The following TRAPPC3L variants were observed in gnomAD, a reference collection of about 807,000 sequenced individuals.
The protein encoded by TRAPPC3L is trafficking protein particle complex subunit 3L.
A neutral mutation model predicts 23.7 loss-of-function variants in TRAPPC3L; 23 were observed. The ratio of observed to expected loss-of-function variants is 0.97; its 90% CI spans 0.70 to 1.37. The LOEUF (loss-of-function observed/expected upper bound fraction) is 1.37. TRAPPC3L is among the 40% of genes most tolerant of loss of function. The probability of loss-of-function intolerance (pLI) is 0.00; values close to 1 mark genes in which losing one functional copy is unlikely to be tolerated. For synonymous variants in TRAPPC3L, 81 were observed against 77.9 expected, an observed-to-expected ratio of 1.04 and a Z score of -0.21; for missense variants, 212 against 216.8, an observed-to-expected ratio of 0.98 and a Z score of 0.14.
intron 3 of TRAPPC3L, chr6:116,521,203 T>A (rs1772332945): frequency 6.6e-6 from 1 of 152,034 alleles, no homozygotes; most frequent in Non-Finnish European, 1.5e-5. Flanking sequence ...ACAAAATATA[T>A]GTGCTATATA....
At chr6:116,532,367 G>C (rs1409037013) in intron 3 of TRAPPC3L, among the ~76,000 whole-genome samples, 1 of 152,194 alleles carries the variant, frequency 6.6e-6, no homozygotes, top group Non-Finnish European at 1.5e-5. Flanking sequence ...CTCCCTGAGA[G>C]AGGGAATTAC....
At chr6:116,526,573 G>A (rs1191013206) in intron 3 of TRAPPC3L, among the ~76,000 whole-genome samples, 1 of 152,268 alleles carries the variant, frequency 6.6e-6, no homozygotes, top group Middle Eastern at 3.4e-3. Flanking sequence ...GTGAGTCTAT[G>A]CAGGAGCTAG....
intron 3 of TRAPPC3L, among the ~76,000 whole-genome samples, chr6:116,528,599 G>A (rs1772522295): frequency 3.3e-5 from 5 of 152,016 alleles, no homozygotes; most frequent in Admixed American, 3.3e-4. Context: ...TTTAAATATT[G>A]AGAATTTTAT....
rs1773735536 is a variant in TRAPPC3L, at chr6:116,545,598, T to A, written c.-84A>T. 7.7e-7 allele frequency: 1 copy of A among 1,292,850 alleles called. No individual in the cohort carries two copies. The highest frequency in any genetic ancestry group is 1.5e-5 in the African/African-American group (1 of 66,686). 80.1% of individuals were successfully genotyped at this position (1,292,850 alleles called of 1,614,324 possible). On this transcript the variant is annotated 5_prime_UTR_variant, in exon 1 of 5. Coordinates refer to ENST00000368602, the MANE Select transcript of TRAPPC3L (RefSeq NM_001139444.3). ...AGGTGTATCAGTCCATGTCTTTTTG[T>A]TTTGTTTTTGTAAGCTCTTCCTCGC... is the stretch of plus-strand genomic sequence containing the variant.
Position 116,543,329 on chromosome 6 carries a change from T to C in TRAPPC3L, c.114A>G (p.Glu38=), listed in dbSNP as rs1434293357. The change falls in exon 2 of 5, where the codon GAA becomes GAG. Residue 38 remains glutamate, a synonymous_variant. Transcript: ENST00000368602. ...AQLCKDYEKD[E]DVNQYLDKMG... ...TTTTATCTAAATATTGGTTCACATC[T>C]TCATCCTTCTCATAATCCTTACACA... is the stretch of plus-strand genomic sequence containing the variant. The C allele has an allele frequency of 1.9e-6, 3 of 1,549,598 alleles. No individual in the cohort carries two copies. The Admixed American group carries it at 5.9e-5, about 30-fold the overall frequency.
At chr6:116,512,217 C>T in intron 3 of TRAPPC3L, 1 of 1,599,550 alleles carries the variant, frequency 6.3e-7, no homozygotes, top group Non-Finnish European at 8.5e-7. Flanking sequence ...CTGAAACTCT[C>T]CCTTCAGGCC....
In TRAPPC3L at chr6:116,496,954, T is replaced by C; in HGVS notation, c.546A>G (p.Ter182TrpextTer11). The C allele has an allele frequency of 6.5e-7, 1 of 1,544,186 alleles. No homozygotes were observed. The highest frequency in any genetic ancestry group is 2.1e-5 in the Admixed American group (1 of 48,534). The part of the protein sequence containing the change: ...RDEKKYRGKK[*>W] ...CCCGTGGCATTTTCCGTGCTAGTCTTCATTTTTTCCCTCTATATTTTTTCT... is the reference window on the plus strand; with the variant it reads ...CCCGTGGCATTTTCCGTGCTAGTCTCCATTTTTTCCCTCTATATTTTTTCT... The change falls in exon 5 of 5, where the codon TGA (stop) becomes TGG (tryptophan). Residue 182 changes from the stop codon to tryptophan (W), a stop_lost. Coordinates refer to ENST00000368602, the MANE Select transcript of TRAPPC3L (RefSeq NM_001139444.3).
chr6:116,502,510 A>T (rs1048705530), intron 3 of TRAPPC3L, among the ~76,000 whole-genome samples: 1 of 152,246 alleles, frequency 6.6e-6, no homozygotes, highest in African/African-American at 2.4e-5. Context: ...ATTCAAATTC[A>T]GGAAATACAG....
At chr6:116,532,585 G>T (rs1472353137) in intron 3 of TRAPPC3L, among the ~76,000 whole-genome samples, 1 of 152,134 alleles carries the variant, frequency 6.6e-6, no homozygotes, top group Non-Finnish European at 1.5e-5. Context: ...ATACAATAAA[G>T]AATCAAATTA....
chr6:116,499,240 C>T (rs1252430644), intron 4 of TRAPPC3L, among the ~76,000 whole-genome samples: 3 of 152,186 alleles, frequency 2.0e-5, no homozygotes, highest in Non-Finnish European at 4.4e-5. Context: ...TAGTCCATAA[C>T]CTGTTCCATC....
At position 116,516,128 on chromosome 6, in the gene TRAPPC3L, T is replaced by C. The variant is rs1034363291; in HGVS notation, c.241-15462A>G. ...TACAAGACAATAACACAAAGGAAAC[T>C]GCTTTGAAGCTCTCAAGTGGAACAT... On this transcript the variant is annotated intron_variant, in intron 3 of 4. Coordinates refer to ENST00000368602, the MANE Select transcript of TRAPPC3L (RefSeq NM_001139444.3). 7.7e-6 allele frequency: 9 copies of C among 1,168,288 alleles called. No homozygotes were observed. In the African/African-American group the frequency reaches 1.4e-4, roughly 18 times the overall value. 72.4% of individuals were successfully genotyped at this position (1,168,288 alleles called of 1,614,324 possible).
At chr6:116,500,359 T>G (rs1481848935) in intron 4 of TRAPPC3L, 122 bp downstream of exon 4, 1 of 900,342 alleles carries the variant, frequency 1.1e-6, no homozygotes, top group East Asian at 2.7e-5. Context: ...TGGGGGTAAT[T>G]TGTAACACAC....
At chr6:116,515,761 C>T (rs1270650628) in intron 3 of TRAPPC3L, 6 of 1,613,978 alleles carry the variant, frequency 3.7e-6, no homozygotes, top group Non-Finnish European at 5.1e-6. Flanking sequence ...TGGACTATGC[C>T]AACAAGCTGA....
chr6:116,526,229 T>A (rs1317385700), intron 3 of TRAPPC3L, among the ~76,000 whole-genome samples: 1 of 152,246 alleles, frequency 6.6e-6, no homozygotes, highest in Non-Finnish European at 1.5e-5. Flanking sequence ...TCCACTTTGA[T>A]CATATCTCTC....
At chr6:116,501,184 T>C (rs1388281814) in intron 3 of TRAPPC3L, among the ~76,000 whole-genome samples, 1 of 152,164 alleles carries the variant, frequency 6.6e-6, no homozygotes, top group Non-Finnish European at 1.5e-5. Context: ...AACAGGAGAT[T>C]CCCTCCCGAG....
At chr6:116,497,096 G>T (rs768666204) in intron 4 of TRAPPC3L, 23 bp from the exon 5 acceptor site, 3 of 1,512,356 alleles carry the variant, frequency 2.0e-6, no homozygotes, top group South Asian at 1.3e-5. Flanking sequence ...AAAAAAACAG[G>T]CCTGTGTCAT....
chr6:116,503,731 C>G (rs1043065915), intron 3 of TRAPPC3L, among the ~76,000 whole-genome samples: 1 of 152,094 alleles, frequency 6.6e-6, no homozygotes. Flanking sequence ...CACTCAAAAC[C>G]GCACAACTAC....
chr6:116,544,977 T>A (rs1444734736), intron 1 of TRAPPC3L, among the ~76,000 whole-genome samples: 1 of 151,970 alleles, frequency 6.6e-6, no homozygotes, highest in African/African-American at 2.4e-5. Flanking sequence ...ACTCTTAACC[T>A]GGAATATATA....
At chr6:116,500,369 C>T in intron 4 of TRAPPC3L, 112 bp downstream of exon 4, 1 of 965,544 alleles carries the variant, frequency 1.0e-6, no homozygotes, top group South Asian at 1.8e-5. Flanking sequence ...TTGTAACACA[C>T]CATTAGATAA....
Sources: allele counts gnomAD v4.1 joint callset (sites outside exome capture counted in the v4.1 genomes callset), GRCh38; gene constraint gnomAD v4.1.1; transcripts MANE v1.5; gene names NCBI Gene and HGNC (gene_info 2026-07-23, HGNC 2026-07-21).